CACNB2: variants seen among roughly 807,000 people sequenced by gnomAD.
The protein encoded by CACNB2 is voltage-dependent L-type calcium channel subunit beta-2.
A neutral mutation model predicts 73.3 loss-of-function variants in CACNB2; 42 were observed. The ratio of observed to expected loss-of-function variants is 0.57; its 90% CI spans 0.45 to 0.74. The LOEUF (loss-of-function observed/expected upper bound fraction) is 0.74, where lower values mean the gene tolerates loss of function less well. Ranked by LOEUF, CACNB2 falls within the 30% of genes least tolerant of loss-of-function variation. The pLI is 0.00. For synonymous variants in CACNB2, 348 were observed against 310.3 expected, an observed-to-expected ratio of 1.12 and a Z score of -1.28; for missense variants, 940 against 853.0, an observed-to-expected ratio of 1.10 and a Z score of -1.27.
intron 3 of CACNB2, among the ~76,000 whole-genome samples, chr10:18,445,462 C>T (rs1213914937): frequency 6.6e-6 from 1 of 152,276 alleles, no homozygotes; most frequent in East Asian, 1.9e-4. Flanking sequence ...GTCATTGGCT[C>T]TGAATTGAAA....
In CACNB2 at chr10:18,390,433, C is replaced by T. The variant is rs559929917; in HGVS notation, c.214-11491C>T. On this transcript the variant is annotated intron_variant, in intron 2 of 13. Transcript: ENST00000324631. ...TTCACCATATTGGCCAGGCTGGTCT[C>T]GAACACCTGACCTTGTGATCTGCCC... is the stretch of plus-strand genomic sequence containing the variant. Among the ~76,000 whole-genome samples the T allele has an allele frequency of 9.2e-5, 14 of 152,252 alleles. 1 individual carries two copies. In the East Asian group the frequency reaches 2.3e-3, roughly 25 times the overall value.
chr10:18,473,989 C>T (rs891668146), intron 3 of CACNB2, among the ~76,000 whole-genome samples: 3 of 152,106 alleles, frequency 2.0e-5, no homozygotes, highest in African/African-American at 7.2e-5. Context: ...TTCCGTTTTT[C>T]ATTTTAAAAT....
At chr10:18,316,495 GCACTGT>G (rs2040191939) in intron 2 of CACNB2, among the ~76,000 whole-genome samples, 5 of 145,510 alleles carry the variant, frequency 3.4e-5, no homozygotes, top group Admixed American at 2.8e-4. Context: ...ACAGAGTCTC[GCACTGT>G]CACCCAGGCT....
In CACNB2 at chr10:18,534,096, G is replaced by C. The variant is rs112164873; in HGVS notation, c.1075G>C (p.Glu359Gln). The change falls in exon 11 of 14, where the codon GAA becomes CAA. Residue 359 changes from glutamate (E) to glutamine (Q), a missense_variant. By Grantham distance (29) the Glu-to-Gln change is conservative. Coordinates refer to ENST00000324631, the MANE Select transcript of CACNB2 (RefSeq NM_201596.3). Reference protein sequence around the residue: ...SSLAEVQSEIERIFELARTLQ... With the variant: ...SSLAEVQSEIQRIFELARTLQ... ...TACAGCGGAAGTTCAGAGTGAAATC[G>C]AAAGGATTTTTGAACTTGCAAGAAC... The C allele has an allele frequency of 6.2e-7, 1 of 1,613,982 alleles. No homozygotes were observed. Among genetic ancestry groups the C allele is most frequent in the Non-Finnish European group, 8.5e-7 (1 of 1,179,938 alleles).
intron 3 of CACNB2, among the ~76,000 whole-genome samples, chr10:18,403,865 G>T (rs1382368695): frequency 2.7e-5 from 4 of 150,802 alleles, no homozygotes; most frequent in Non-Finnish European, 5.9e-5. Context: ...AATGGTTAAT[G>T]GGTACCCAAA....
chr10:18,520,847 T>C (rs1178345235), intron 9 of CACNB2, among the ~76,000 whole-genome samples: 2 of 152,240 alleles, frequency 1.3e-5, no homozygotes, highest in African/African-American at 2.4e-5. Context: ...CGTGTGTACA[T>C]GTATGCACAC....
At chr10:18,469,266 G>A (rs2048056326) in intron 3 of CACNB2, among the ~76,000 whole-genome samples, 1 of 152,092 alleles carries the variant, frequency 6.6e-6, no homozygotes, top group Non-Finnish European at 1.5e-5. Flanking sequence ...AAAGCACAGA[G>A]CCTAGTTTGT....
At chr10:18,476,015 T>C (rs1435510479) in intron 3 of CACNB2, among the ~76,000 whole-genome samples, 2 of 152,244 alleles carry the variant, frequency 1.3e-5, no homozygotes, top group Admixed American at 6.5e-5. Flanking sequence ...GGCTACTCCA[T>C]AGGCAGAGCA....
chr10:18,294,658 T>C (rs2039203699), intron 2 of CACNB2, among the ~76,000 whole-genome samples: 1 of 152,092 alleles, frequency 6.6e-6, no homozygotes, highest in Admixed American at 6.5e-5. Context: ...GGTAACAGAG[T>C]CAGCCACGGG....
At chr10:18,509,708 C>T (rs1209596257) in intron 6 of CACNB2, among the ~76,000 whole-genome samples, 13 of 152,016 alleles carry the variant, frequency 8.6e-5, no homozygotes, top group Admixed American at 2.6e-4. Context: ...GAGGTTCACT[C>T]GAGTCCAGGA....
intron 2 of CACNB2, among the ~76,000 whole-genome samples, chr10:18,372,163 C>T (rs1161253943): frequency 1.3e-5 from 2 of 152,140 alleles, no homozygotes; most frequent in African/African-American, 2.4e-5. Context: ...TGCCTGTTCA[C>T]TCTGATGGTA....
intron 2 of CACNB2, among the ~76,000 whole-genome samples, chr10:18,298,239 G>C (rs928234063): frequency 6.6e-6 from 1 of 152,034 alleles, no homozygotes; most frequent in Non-Finnish European, 1.5e-5. Context: ...CATGGTGGTG[G>C]GCGCCTGTAA....
intron 2 of CACNB2, among the ~76,000 whole-genome samples, chr10:18,277,470 C>A (rs1460763296): frequency 6.6e-6 from 1 of 152,156 alleles, no homozygotes; most frequent in Non-Finnish European, 1.5e-5. Flanking sequence ...CGCCAAGTGG[C>A]CAACACTCTA....
At chr10:18,505,740 T>C (rs2050454208) in intron 5 of CACNB2, among the ~76,000 whole-genome samples, 1 of 152,192 alleles carries the variant, frequency 6.6e-6, no homozygotes, top group Non-Finnish European at 1.5e-5. Context: ...AAAACACAAA[T>C]GCTGTTGTTC....
chr10:18,474,335 A>G (rs1480020224), intron 3 of CACNB2, among the ~76,000 whole-genome samples: 1 of 152,198 alleles, frequency 6.6e-6, no homozygotes, highest in African/African-American at 2.4e-5. Flanking sequence ...TCTGGTAGCA[A>G]GCAAGACCTG....
intron 6 of CACNB2, among the ~76,000 whole-genome samples, chr10:18,509,751 C>A (rs1043871477): frequency 2.6e-5 from 4 of 152,124 alleles, no homozygotes; most frequent in Non-Finnish European, 5.9e-5. Context: ...GATTATGTCA[C>A]TGCACTCCAG....
intron 2 of CACNB2, among the ~76,000 whole-genome samples, chr10:18,172,829 T>C (rs2033335107): frequency 6.6e-6 from 1 of 152,068 alleles, no homozygotes; most frequent in Non-Finnish European, 1.5e-5. Context: ...TGAATTCTTA[T>C]CCACGCTCCT....
chr10:18,530,523 A>AAAAT (rs1564659961), intron 10 of CACNB2, among the ~76,000 whole-genome samples: 1 of 151,860 alleles, frequency 6.6e-6, no homozygotes. Context: ...CAAAAAAAAA[A>AAAAT]AAAAAATGCA....
chr10:18,372,464 A>T (rs910266751), intron 2 of CACNB2, among the ~76,000 whole-genome samples: 1 of 152,130 alleles, frequency 6.6e-6, no homozygotes, highest in Non-Finnish European at 1.5e-5. Context: ...CTAGAGTGCA[A>T]CGGAGTATCT....
Sources: allele counts gnomAD v4.1 joint callset (sites outside exome capture counted in the v4.1 genomes callset), GRCh38; gene constraint gnomAD v4.1.1; transcripts MANE v1.5; gene names NCBI Gene and HGNC (gene_info 2026-07-23, HGNC 2026-07-21).